The following GRIK2 variants were observed in gnomAD, a reference collection of about 807,000 sequenced individuals.
GRIK2 encodes glutamate receptor ionotropic, kainate 2.
Under a neutral mutation model 100.3 loss-of-function variants are expected in GRIK2, and 32 were observed. That is an observed-to-expected ratio of 0.32 (90% CI 0.24 to 0.43). The LOEUF (loss-of-function observed/expected upper bound fraction) is 0.43. Ranked by LOEUF, GRIK2 falls within the 20% of genes least tolerant of loss-of-function variation. GRIK2 has a pLI of 1.00. For missense variants in GRIK2, 843 were observed against 1,114.9 expected (o/e 0.76, Z 3.47); for synonymous variants, 417 against 389.4 (o/e 1.07, Z -0.83).
Position 101,928,480 on chromosome 6 carries a change from C to A in GRIK2, c.1933C>A (p.Leu645Ile). The A allele has an allele frequency of 6.2e-7, 1 of 1,609,600 alleles. No individual in the cohort carries two copies. Among genetic ancestry groups the A allele is most frequent in the Non-Finnish European group, 8.5e-7 (1 of 1,175,938 alleles). The change falls in exon 14 of 17, where the codon CTT becomes ATT. Residue 645 changes from leucine to isoleucine, a missense_variant. Coordinates refer to ENST00000369134, the MANE Select transcript of GRIK2 (RefSeq NM_021956.5). ...GGGAGGCATTTGGTGGTTTTTCACA[C>A]TTATCATCATTTCTTCGTATACTGC... is the stretch of plus-strand genomic sequence containing the variant. ...IVGGIWWFFT[L>I]IIISSYTANL... is the part of the protein sequence containing the mutation.
intron 2 of GRIK2, among the ~76,000 whole-genome samples, chr6:101,413,627 T>A (rs969836438): frequency 6.6e-6 from 1 of 152,132 alleles, no homozygotes; most frequent in Non-Finnish European, 1.5e-5. Flanking sequence ...TTGTTCTGAA[T>A]GGCATCAAGA....
chr6:101,862,487 G>T (rs1784786835), intron 11 of GRIK2, among the ~76,000 whole-genome samples: 1 of 152,008 alleles, frequency 6.6e-6, no homozygotes, highest in Non-Finnish European at 1.5e-5. Context: ...AGGGTTCAGT[G>T]GCATAATCAT....
Position 101,986,915 on chromosome 6 carries a change from G to A in GRIK2, c.2086-48426G>A, listed in dbSNP as rs563294724. On this transcript the variant is annotated intron_variant, in intron 14 of 16. Transcript: ENST00000369134. ...ACTACTTTGAGAGGCAAAGCCAGGA[G>A]GATTGCTTGAGGCTAGGTGTTCAAG... Among the ~76,000 whole-genome samples, 24 of 151,966 alleles carry A rather than the reference G, an allele frequency of 1.6e-4. No homozygotes were observed. The East Asian group carries it at 4.7e-3, about 30-fold the overall frequency.
chr6:101,430,047 A>G (rs149161747), intron 2 of GRIK2, among the ~76,000 whole-genome samples: 277 of 152,256 alleles, frequency 1.8e-3, no homozygotes, highest in Middle Eastern at 6.8e-3. Flanking sequence ...GAAATCCTGG[A>G]ACACTGAGCT....
At chr6:101,459,331 A>G (rs1771175309) in intron 2 of GRIK2, among the ~76,000 whole-genome samples, 1 of 152,220 alleles carries the variant, frequency 6.6e-6, no homozygotes, top group Non-Finnish European at 1.5e-5. Flanking sequence ...AGTAATAGCC[A>G]TATATTACAA....
At chr6:101,413,845 A>G (rs1408521254) in intron 2 of GRIK2, among the ~76,000 whole-genome samples, 2 of 117,660 alleles carry the variant, frequency 1.7e-5, no homozygotes, top group Non-Finnish European at 3.8e-5. Context: ...TCAAGTCTTT[A>G]TTTATACAAG....
rs182874539 is a variant in GRIK2 at position 101,805,525 on chromosome 6, T to G, written c.1203+3087T>G. On this transcript the variant is annotated intron_variant, in intron 9 of 16. Coordinates refer to ENST00000369134, the MANE Select transcript of GRIK2 (RefSeq NM_021956.5). ...TAAAGTGCTAGGTTTATCCCTCTTC[T>G]CATGCCTATTGCCTTTTCTTCATTC... 1.1e-3 allele frequency among the ~76,000 whole-genome samples: 165 copies of G among 152,136 alleles called. 1 individual carries two copies. Among genetic ancestry groups the G allele is most frequent in the African/African-American group, 3.9e-3 (162 of 41,546 alleles).
chr6:101,703,594 T>C (rs1162593274), intron 7 of GRIK2, among the ~76,000 whole-genome samples: 2 of 151,752 alleles, frequency 1.3e-5, no homozygotes, highest in African/African-American at 2.4e-5. Context: ...TAACTAGTTA[T>C]TTCAATGGGG....
chr6:101,738,005 G>T (rs763952633), intron 7 of GRIK2, among the ~76,000 whole-genome samples: 14 of 152,112 alleles, frequency 9.2e-5, no homozygotes, highest in Non-Finnish European at 1.8e-4. Flanking sequence ...GGCCTAAGAA[G>T]ATAGAGATTG....
chr6:101,982,261 C>T (rs1252782445), intron 14 of GRIK2, among the ~76,000 whole-genome samples: 1 of 151,848 alleles, frequency 6.6e-6, no homozygotes, highest in Non-Finnish European at 1.5e-5. Context: ...CTGTAATTTT[C>T]ATGTCTGTCT....
At chr6:101,501,316 C>A (rs1773735968) in intron 2 of GRIK2, among the ~76,000 whole-genome samples, 1 of 152,038 alleles carries the variant, frequency 6.6e-6, no homozygotes, top group South Asian at 2.1e-4. Flanking sequence ...GGACTGAAAC[C>A]AGTTTCATTT....
At chr6:102,011,577 C>T (rs1221094237) in intron 14 of GRIK2, among the ~76,000 whole-genome samples, 13 of 76,630 alleles carry the variant, frequency 1.7e-4, no homozygotes, top group East Asian at 3.7e-4. Context: ...CTTTCTTTTC[C>T]TTTTTTTTTT....
intron 3 of GRIK2, among the ~76,000 whole-genome samples, chr6:101,624,884 A>G (rs531005072): frequency 6.6e-6 from 1 of 152,118 alleles, no homozygotes; most frequent in Non-Finnish European, 1.5e-5. Flanking sequence ...GGCACACAGC[A>G]CCATGCCCAG....
rs1014406414 is a variant in GRIK2, at chr6:101,884,726, A to G, written c.1525-4914A>G. On this transcript the variant is annotated intron_variant, in intron 11 of 16. Coordinates refer to ENST00000369134, the MANE Select transcript of GRIK2 (RefSeq NM_021956.5). ...ATTTTATTTCTAGAGTAAGACTAGA[A>G]AAAAGTTTCAATTAAAAATTCTCTG... Among the ~76,000 whole-genome samples, 32 of 152,178 alleles carry G rather than the reference A, an allele frequency of 2.1e-4. 2 individuals are homozygous for G. Among genetic ancestry groups the G allele is most frequent in the Admixed American group, 1.5e-3 (23 of 15,246 alleles).
intron 4 of GRIK2, among the ~76,000 whole-genome samples, chr6:101,673,657 G>A (rs1044244570): frequency 1.3e-5 from 2 of 152,096 alleles, no homozygotes; most frequent in African/African-American, 4.8e-5. Context: ...TAACTTGGAT[G>A]TCACCTCCTT....
At chr6:101,498,003 A>G (rs1472754355) in intron 2 of GRIK2, among the ~76,000 whole-genome samples, 1 of 143,410 alleles carries the variant, frequency 7.0e-6, no homozygotes, top group Non-Finnish European at 1.5e-5. Context: ...ATCTCCTAAT[A>G]CTATCCCTCC....
intron 2 of GRIK2, among the ~76,000 whole-genome samples, chr6:101,475,720 G>T (rs904646550): frequency 2.6e-5 from 4 of 151,788 alleles, no homozygotes; most frequent in African/African-American, 9.7e-5. Context: ...GTACTATTGG[G>T]TAGCATACGA....
intron 7 of GRIK2, among the ~76,000 whole-genome samples, chr6:101,775,415 C>T (rs1778676656): frequency 6.6e-6 from 1 of 151,972 alleles, no homozygotes; most frequent in Non-Finnish European, 1.5e-5. Flanking sequence ...CAGAACATTG[C>T]TGAATTTGAA....
At chr6:101,681,292 C>T (rs1038397046) in intron 5 of GRIK2, among the ~76,000 whole-genome samples, 2 of 151,988 alleles carry the variant, frequency 1.3e-5, no homozygotes, top group East Asian at 3.9e-4. Context: ...TGGGGTGTTG[C>T]TCTGTCACTG....
Sources: allele counts gnomAD v4.1 joint callset (sites outside exome capture counted in the v4.1 genomes callset), GRCh38; gene constraint gnomAD v4.1.1; transcripts MANE v1.5; gene names NCBI Gene and HGNC (gene_info 2026-07-23, HGNC 2026-07-21).